Variants in TENT5C observed in about 807,000 individuals in gnomAD.
TENT5C encodes family with sequence similarity 46 member C.
Under a neutral mutation model 22.2 loss-of-function variants are expected in TENT5C, and 5 were observed. The observed-to-expected ratio is 0.22, with a 90% CI of 0.12 to 0.47. TENT5C has a LOEUF of 0.47. TENT5C is among the 20% of genes least tolerant of loss of function. The pLI, the probability that TENT5C is intolerant of heterozygous loss-of-function variation, is 0.99. For missense variants in TENT5C, 364 were observed against 500.9 expected (o/e 0.73, Z 2.61); for synonymous variants, 199 against 195.4 (o/e 1.02, Z -0.15).
intron 1 of TENT5C, among the ~76,000 whole-genome samples, chr1:117,619,294 C>G (rs1316289660): frequency 6.6e-6 from 1 of 152,132 alleles, no homozygotes; most frequent in Non-Finnish European, 1.5e-5. Context: ...ACTTAGTGAT[C>G]TTTGCCCATT....
Position 117,623,547 on chromosome 1 carries a change from C to G in TENT5C, c.679C>G (p.Gln227Glu). Reference protein sequence around the residue: ...GDFEEAFDHLQNRLIATKNPE... With the variant: ...GDFEEAFDHLENRLIATKNPE... ...CTTTGAGGAAGCTTTTGACCATCTG[C>G]AGAACAGACTGATCGCCACCAAGAA... The change falls in exon 2 of 2, where the codon CAG becomes GAG. Residue 227 changes from glutamine to glutamate, a missense_variant. Coordinates refer to ENST00000369448, the MANE Select transcript of TENT5C (RefSeq NM_017709.4). 6.2e-7 allele frequency: 1 copy of G among 1,613,992 alleles called. No homozygotes were observed. Among genetic ancestry groups the G allele is most frequent in the Non-Finnish European group, 8.5e-7 (1 of 1,180,008 alleles).
chr1:117,619,283 G>C (rs576569461), intron 1 of TENT5C, among the ~76,000 whole-genome samples: 29 of 152,244 alleles, frequency 1.9e-4, no homozygotes, highest in African/African-American at 7.0e-4. Context: ...CCACATATCA[G>C]ACTTAGTGAT....
chr1:117,609,755 G>A (rs1653625483), intron 1 of TENT5C, among the ~76,000 whole-genome samples: 1 of 152,212 alleles, frequency 6.6e-6, no homozygotes, highest in Admixed American at 6.5e-5. Context: ...TGACTCCCCA[G>A]TGCCTGCTTA....
At chr1:117,611,094 T>C (rs1408274247) in intron 1 of TENT5C, among the ~76,000 whole-genome samples, 1 of 152,204 alleles carries the variant, frequency 6.6e-6, no homozygotes, top group Non-Finnish European at 1.5e-5. Context: ...ACACACTCTG[T>C]CCATCGTTGC....
At position 117,626,245 on chromosome 1, in the gene TENT5C, G is replaced by A. The variant is rs1190187445; in HGVS notation, c.*2201G>A. Reference sequence around the variant, plus strand: ...CAGATGAAGATAAGATCTGCATCAAGGAATTAAATTTCCAGTTTGTCCTTG... The same window carrying A: ...CAGATGAAGATAAGATCTGCATCAAAGAATTAAATTTCCAGTTTGTCCTTG... On this transcript the variant is annotated 3_prime_UTR_variant, in exon 2 of 2. Transcript: ENST00000369448. 8.1e-6 allele frequency: 2 copies of A among 247,738 alleles called. No homozygotes were observed. The highest frequency in any genetic ancestry group is 2.2e-5 in the African/African-American group (1 of 45,302). The allele number at this position is 247,738 out of a possible 1,614,324, so 15.3% of individuals were successfully genotyped here.
chr1:117,615,566 C>T (rs1278806582), intron 1 of TENT5C, among the ~76,000 whole-genome samples: 1 of 152,214 alleles, frequency 6.6e-6, no homozygotes, highest in South Asian at 2.1e-4. Flanking sequence ...AACATCTAGT[C>T]ACATGTGGTG....
At chr1:117,622,045 C>T (rs1310015087) in intron 1 of TENT5C, among the ~76,000 whole-genome samples, 1 of 152,150 alleles carries the variant, frequency 6.6e-6, no homozygotes, top group Non-Finnish European at 1.5e-5. Flanking sequence ...TTGGCCATGT[C>T]CTGTGTTGGG....
chr1:117,614,356 T>C (rs1426779187), intron 1 of TENT5C, among the ~76,000 whole-genome samples: 1 of 152,194 alleles, frequency 6.6e-6, no homozygotes, highest in East Asian at 1.9e-4. Context: ...ATGACCAAGG[T>C]CCATGGTCAT....
chr1:117,622,897 A>T lies in TENT5C; in HGVS notation c.29A>T (p.Asp10Val). The change falls in exon 2 of 2, where the codon GAT (aspartate) becomes GTT (valine). Residue 10 changes from aspartate to valine, a missense_variant. Physicochemically the swap from Asp to Val is radical, Grantham distance 152. This residue lies in a region of TENT5C where 303 missense variants were observed against 394.5 expected (regional missense o/e 0.77). Transcript: ENST00000369448. Reference protein sequence around the residue: MAEESSCTRDCMSFSVLNWD... With the variant: MAEESSCTRVCMSFSVLNWD... Reference sequence around the variant, plus strand: ...GCAGAGGAGAGCAGCTGTACCAGGGATTGCATGTCCTTCAGCGTGCTCAAC... The same window carrying T: ...GCAGAGGAGAGCAGCTGTACCAGGGTTTGCATGTCCTTCAGCGTGCTCAAC... 6.2e-7 allele frequency: 1 copy of T among 1,613,102 alleles called. No homozygotes were observed. Among genetic ancestry groups the T allele is most frequent in the Non-Finnish European group, 8.5e-7 (1 of 1,179,140 alleles).
intron 1 of TENT5C, among the ~76,000 whole-genome samples, chr1:117,613,725 G>A (rs748935213): frequency 3.9e-5 from 6 of 152,204 alleles, no homozygotes; most frequent in Non-Finnish European, 7.4e-5. Flanking sequence ...ATTGGTAAAT[G>A]GCTGGAGGAT....
chr1:117,615,384 C>T (rs1430989901), intron 1 of TENT5C, among the ~76,000 whole-genome samples: 1 of 152,240 alleles, frequency 6.6e-6, no homozygotes, highest in Non-Finnish European at 1.5e-5. Context: ...TGCACATCCT[C>T]TTTGTTCTCC....
chr1:117,624,428 C>T lies in TENT5C; in HGVS notation c.*384C>T, dbSNP rs1464569416. 8 of 267,550 alleles carry T rather than the reference C, an allele frequency of 3.0e-5. No individual in the cohort carries two copies. The highest frequency in any genetic ancestry group is 1.0e-4 in the Admixed American group (2 of 19,294). The allele number at this position is 267,550 out of a possible 1,614,324, so 16.6% of individuals were successfully genotyped here. ...AGCTACTTGTTTTCTCACTTGAGCCCGGGTAGGCTGTGTTGGCCCTCACTT... is the reference window on the plus strand; with the variant it reads ...AGCTACTTGTTTTCTCACTTGAGCCTGGGTAGGCTGTGTTGGCCCTCACTT... On this transcript the variant is annotated 3_prime_UTR_variant, in exon 2 of 2. Coordinates refer to ENST00000369448, the MANE Select transcript of TENT5C (RefSeq NM_017709.4).
Position 117,627,743 on chromosome 1 carries a change from G to T in TENT5C, c.*3699G>T. ...AGTTAAAATCAGAGGACCAAGTCGT[G>T]GGGGAGGGGGGCGGTGTTGAGGAGA... On this transcript the variant is annotated 3_prime_UTR_variant, in exon 2 of 2. Coordinates refer to ENST00000369448, the MANE Select transcript of TENT5C (RefSeq NM_017709.4). The T allele has an allele frequency of 4.0e-6, 1 of 248,002 alleles. No individual in the cohort carries two copies. Among genetic ancestry groups the T allele is most frequent in the Admixed American group, 5.6e-5 (1 of 17,790 alleles). The allele number at this position is 248,002 out of a possible 1,614,324, so 15.4% of individuals were successfully genotyped here. A position where few individuals can be genotyped will look rare whatever the true frequency, so the allele number is the denominator to read the frequency against.
At position 117,624,709 on chromosome 1, in the gene TENT5C, C is replaced by A; in HGVS notation, c.*665C>A. ...CATGCTGTACTATCCTGAGGAATTG[C>A]GAGATATTGCTGAGGGGAAAAAAAA... is the stretch of plus-strand genomic sequence containing the variant. On this transcript the variant is annotated 3_prime_UTR_variant, in exon 2 of 2. Transcript: ENST00000369448. 3 of 247,274 alleles carry A rather than the reference C, an allele frequency of 1.2e-5. No homozygotes were observed. 15.3% of individuals were successfully genotyped at this position (247,274 alleles called of 1,614,324 possible).
chr1:117,628,146 A>G lies in TENT5C; in HGVS notation c.*4102A>G, dbSNP rs753447359. ...GGTAGCAACTTATTTCCAAATTAATATAGATGAAAAATAGATACCAATTAG... is the reference window on the plus strand; with the variant it reads ...GGTAGCAACTTATTTCCAAATTAATGTAGATGAAAAATAGATACCAATTAG... On this transcript the variant is annotated 3_prime_UTR_variant, in exon 2 of 2. Transcript: ENST00000369448. The G allele has an allele frequency of 1.6e-5, 4 of 247,874 alleles. No individual in the cohort carries two copies. Among genetic ancestry groups the G allele is most frequent in the Admixed American group, 5.6e-5 (1 of 17,792 alleles). 15.4% of individuals were successfully genotyped at this position (247,874 alleles called of 1,614,324 possible). A position where few individuals can be genotyped will look rare whatever the true frequency, so the allele number is the denominator to read the frequency against.
chr1:117,626,215 G>GGC lies in TENT5C; in HGVS notation c.*2172_*2173dup, dbSNP rs1259046909. On this transcript the variant is annotated 3_prime_UTR_variant, in exon 2 of 2. Coordinates refer to ENST00000369448, the MANE Select transcript of TENT5C (RefSeq NM_017709.4). ...GAAGGCTTGGGGCCCAGGGTAATGA[G>GGC]GCACCAGATGAAGATAAGATCTGCA... 7.7e-5 allele frequency: 19 copies of GGC among 247,896 alleles called. No homozygotes were observed. In the East Asian group the frequency reaches 1.1e-3, roughly 15 times the overall value. 15.4% of individuals were successfully genotyped at this position (247,896 alleles called of 1,614,324 possible).
Position 117,627,123 on chromosome 1 carries a change from G to A in TENT5C, c.*3079G>A, listed in dbSNP as rs773722028. Reference sequence around the variant, plus strand: ...CCACACCTGGGGGACCTGGCAGATGGGGTGAGTTGGGTAAGGAAGATGATG... The same window carrying A: ...CCACACCTGGGGGACCTGGCAGATGAGGTGAGTTGGGTAAGGAAGATGATG... On this transcript the variant is annotated 3_prime_UTR_variant, in exon 2 of 2. Transcript: ENST00000369448. The A allele has an allele frequency of 4.8e-5, 12 of 248,086 alleles. No homozygotes were observed. The highest frequency in any genetic ancestry group is 8.5e-5 in the Non-Finnish European group (10 of 118,146). The allele number at this position is 248,086 out of a possible 1,614,324, so 15.4% of individuals were successfully genotyped here. A position where few individuals can be genotyped will look rare whatever the true frequency, so the allele number is the denominator to read the frequency against.
At position 117,623,958 on chromosome 1, in the gene TENT5C, A is replaced by G; in HGVS notation, c.1090A>G (p.Ser364Gly). 6.2e-7 allele frequency: 1 copy of G among 1,614,082 alleles called. No individual in the cohort carries two copies. Among genetic ancestry groups the G allele is most frequent in the Non-Finnish European group, 8.5e-7 (1 of 1,179,996 alleles). ...TTACTACCAGCCGGCCCCTTACGTC[A>G]GTGATGGCAACTTCAGCAACTACTA... ...TCYYQPAPYVSDGNFSNYYVA... is the reference protein window; with the variant it reads ...TCYYQPAPYVGDGNFSNYYVA... The change falls in exon 2 of 2, where the codon AGT becomes GGT. Residue 364 changes from serine to glycine, a missense_variant. By Grantham distance (56) the Ser-to-Gly change is moderately conservative. Coordinates refer to ENST00000369448, the MANE Select transcript of TENT5C (RefSeq NM_017709.4).
At chr1:117,620,143 A>G (rs1475526793) in intron 1 of TENT5C, among the ~76,000 whole-genome samples, 1 of 152,192 alleles carries the variant, frequency 6.6e-6, no homozygotes, top group Non-Finnish European at 1.5e-5. Context: ...CTAGTCTCAG[A>G]TGTCCCTCCT....
Sources: gnomAD v4.1 joint callset for allele counts (sites outside exome capture counted in the v4.1 genomes callset) on GRCh38, gnomAD v4.1.1 for gene constraint, gnomAD v4.1.1 regional missense constraint, MANE v1.5 for transcripts, NCBI Gene and HGNC (gene_info 2026-07-23, HGNC 2026-07-21) for gene names.